Variants in CFAP20DC observed in about 807,000 individuals in gnomAD.
The protein encoded by CFAP20DC is protein CFAP20DC.
A neutral mutation model predicts 101.7 loss-of-function variants in CFAP20DC; 84 were observed. The observed-to-expected ratio is 0.83, with a 90% CI of 0.69 to 0.99. The LOEUF is 0.99. Ranked by LOEUF, CFAP20DC falls within the 50% of genes least tolerant of loss-of-function variation. The pLI is 0.00. For missense variants in CFAP20DC, 1,007 were observed against 970.3 expected (o/e 1.04, Z -0.50); for synonymous variants, 359 against 351.2 (o/e 1.02, Z -0.25).
chr3:58,951,319 C>A (rs984797143), intron 4 of CFAP20DC, among the ~76,000 whole-genome samples: 1 of 152,176 alleles, frequency 6.6e-6, no homozygotes, highest in Non-Finnish European at 1.5e-5. Context: ...GGACTGTAAA[C>A]TAGTTCAACC....
intron 15 of CFAP20DC, among the ~76,000 whole-genome samples, chr3:58,775,806 C>T (rs889300271): frequency 5.5e-5 from 8 of 145,846 alleles, no homozygotes; most frequent in Admixed American, 3.5e-4. Context: ...AGTGCAGTGG[C>T]GTGATCTCGT....
chr3:58,939,785 A>G (rs1259203214), intron 4 of CFAP20DC, among the ~76,000 whole-genome samples: 3 of 57,530 alleles, frequency 5.2e-5, no homozygotes, highest in African/African-American at 7.2e-5. Context: ...TTTTTTTTTG[A>G]GATGGAGTCT....
intron 15 of CFAP20DC, among the ~76,000 whole-genome samples, chr3:58,766,424 T>A (rs1021671594): frequency 6.6e-6 from 1 of 152,190 alleles, no homozygotes; most frequent in Non-Finnish European, 1.5e-5. Flanking sequence ...CATCTCCCCT[T>A]CCACCACCAA....
At position 58,991,468 on chromosome 3, in the gene CFAP20DC, G is replaced by C. The variant is rs576169487; in HGVS notation, c.278+48089C>G. Among the ~76,000 whole-genome samples, 58 of 152,186 alleles carry C rather than the reference G, an allele frequency of 3.8e-4. 1 individual carries two copies. The highest frequency in any genetic ancestry group is 1.3e-3 in the African/African-American group (56 of 41,526). On this transcript the variant is annotated intron_variant, in intron 4 of 16. Transcript: ENST00000482387. The stretch of plus-strand genomic sequence containing the variant: ...CCCCTCAAATAATATACTTGACTTC[G>C]ATTACCTTCATGGTCTATATTTGCT...
chr3:59,021,615 CA>C (rs1435353797), intron 4 of CFAP20DC, among the ~76,000 whole-genome samples: 1 of 152,064 alleles, frequency 6.6e-6, no homozygotes, highest in Non-Finnish European at 1.5e-5. Flanking sequence ...ATTATTATTT[CA>C]AATCTCTGAA....
chr3:58,921,653 A>C (rs779335094), intron 5 of CFAP20DC, among the ~76,000 whole-genome samples: 4 of 152,180 alleles, frequency 2.6e-5, no homozygotes, highest in Non-Finnish European at 4.4e-5. Context: ...AACATATCAT[A>C]TATTTTGGTG....
intron 15 of CFAP20DC, among the ~76,000 whole-genome samples, chr3:58,755,912 T>C (rs1445229063): frequency 2.0e-5 from 3 of 152,204 alleles, no homozygotes; most frequent in Non-Finnish European, 1.5e-5. Flanking sequence ...AAACTAAGAA[T>C]GGTTTTTACA....
intron 4 of CFAP20DC, among the ~76,000 whole-genome samples, chr3:58,942,664 G>A (rs748134636): frequency 3.3e-5 from 5 of 152,158 alleles, no homozygotes; most frequent in African/African-American, 7.2e-5. Flanking sequence ...GGCAGACATC[G>A]AGCTAGCTGC....
intron 15 of CFAP20DC, among the ~76,000 whole-genome samples, chr3:58,782,089 G>A (rs2071885237): frequency 6.6e-6 from 1 of 151,878 alleles, no homozygotes; most frequent in Admixed American, 6.6e-5. Flanking sequence ...AGATCAAGCG[G>A]GATTTATCCT....
chr3:58,934,808 C>T (rs1479715047), intron 5 of CFAP20DC, among the ~76,000 whole-genome samples: 1 of 152,158 alleles, frequency 6.6e-6, no homozygotes, highest in Non-Finnish European at 1.5e-5. Context: ...AAACCCACAG[C>T]CAATGTCATA....
intron 14 of CFAP20DC, among the ~76,000 whole-genome samples, chr3:58,807,439 G>T (rs557843656): frequency 1.3e-5 from 2 of 152,152 alleles, no homozygotes; most frequent in Admixed American, 6.5e-5. Context: ...CCACCGCTGC[G>T]GATACCCAGG....
At chr3:58,739,678 T>G (rs1418543910), downstream of CFAP20DC, among the ~76,000 whole-genome samples, 1 of 152,214 alleles carries the variant, frequency 6.6e-6, no homozygotes, top group Non-Finnish European at 1.5e-5. Context: ...CTAAGCAAGT[T>G]AGACTCTCTG....
chr3:58,749,307 G>A (rs1461644228), intron 16 of CFAP20DC, among the ~76,000 whole-genome samples: 2 of 152,122 alleles, frequency 1.3e-5, no homozygotes, highest in Non-Finnish European at 2.9e-5. Context: ...CAGTTAATAG[G>A]AGGGCATGAA....
rs1386688579 is a variant in CFAP20DC at position 58,863,074 on chromosome 3, C to G, written c.1593+484G>C. On this transcript the variant is annotated intron_variant, in intron 12 of 16. Coordinates refer to ENST00000482387, the MANE Select transcript of CFAP20DC (RefSeq NM_001394063.1). This position sits in a 1 kb window ranked among gnomAD's most constrained non-coding sequence, Gnocchi z 5.9. ...CTCATTATCTAAACTTTAATTGGCACAACTCTTCAAATTCTGGGACCATAT... is the reference window on the plus strand; with the variant it reads ...CTCATTATCTAAACTTTAATTGGCAGAACTCTTCAAATTCTGGGACCATAT... The G allele has an allele frequency of 1.0e-6, 1 of 993,580 alleles. No homozygotes were observed. Among genetic ancestry groups the G allele is most frequent in the African/African-American group, 1.7e-5 (1 of 57,572 alleles). The allele number at this position is 993,580 out of a possible 1,614,324, so 61.5% of individuals were successfully genotyped here.
chr3:58,718,733 C>T (rs1364075903), intron 3 of CFAP20DC, among the ~76,000 whole-genome samples: 1 of 152,184 alleles, frequency 6.6e-6, no homozygotes, highest in Middle Eastern at 3.2e-3. Context: ...TCTGCCATAT[C>T]CCCAGTTCTC....
At chr3:58,978,259 T>C (rs1223809480) in intron 4 of CFAP20DC, among the ~76,000 whole-genome samples, 2 of 152,120 alleles carry the variant, frequency 1.3e-5, no homozygotes, top group Admixed American at 1.3e-4. Context: ...TAGCATCCTA[T>C]CCCTGACCTT....
At chr3:58,753,554 AC>A (rs2068716912) in intron 16 of CFAP20DC, 4 of 457,660 alleles carry the variant, frequency 8.7e-6, no homozygotes, top group Non-Finnish European at 1.5e-5. Context: ...CCTGGTATTA[AC>A]CTTTAGAAGA....
chr3:58,922,793 T>C (rs71311901), intron 5 of CFAP20DC, among the ~76,000 whole-genome samples: 2 of 152,116 alleles, frequency 1.3e-5, no homozygotes, highest in African/African-American at 4.8e-5. Flanking sequence ...AAGATAGTTA[T>C]ACTTCTTTGT....
chr3:58,756,971 A>G (rs1440002082), intron 15 of CFAP20DC, among the ~76,000 whole-genome samples: 1 of 152,054 alleles, frequency 6.6e-6, no homozygotes, highest in East Asian at 1.9e-4. Flanking sequence ...TCTATGTTTG[A>G]GCATGTTTTC....
Sources: gnomAD v4.1 joint callset for allele counts (sites outside exome capture counted in the v4.1 genomes callset) on GRCh38, gnomAD v4.1.1 for gene constraint, Gnocchi (gnomAD v3.1) non-coding constraint, MANE v1.5 for transcripts, NCBI Gene and HGNC (gene_info 2026-07-23, HGNC 2026-07-21) for gene names.